ZNF254: variants seen among roughly 807,000 people sequenced by gnomAD.
ZNF254 encodes zinc finger protein 254.
In ZNF254, 10 loss-of-function variants were observed where a neutral mutation model predicts 12.4. The observed-to-expected ratio is 0.80, with a 90% CI of 0.50 to 1.36. ZNF254 has a LOEUF of 1.36. Among genes scored for constraint, ZNF254 ranks in the 40% most tolerant of loss-of-function variants. The pLI, the probability that ZNF254 is intolerant of heterozygous loss-of-function variation, is 0.00. For missense variants in ZNF254, 996 were observed against 763.9 expected, an observed-to-expected ratio of 1.30 and a Z score of -3.58; for synonymous variants, 305 against 253.4, an observed-to-expected ratio of 1.20 and a Z score of -1.93.
At chr19:24,048,375 C>T (rs368999455) in intron 2 of ZNF254, among the ~76,000 whole-genome samples, 142 of 152,340 alleles carry the variant, frequency 9.3e-4, no homozygotes, top group African/African-American at 2.0e-3. Flanking sequence ...CTTCTGCCTC[C>T]GCCATGAGCT....
intron 1 of ZNF254, among the ~76,000 whole-genome samples, chr19:24,094,780 G>A (rs748371642): frequency 1.1e-4 from 16 of 151,588 alleles, no homozygotes; most frequent in East Asian, 3.9e-4. Context: ...TCCACCTTCT[G>A]GGTTCAAGTG....
rs1019597364 is a variant in ZNF254, at chr19:24,128,231, G to T, written c.*251G>T. 7.3e-6 allele frequency: 3 copies of T among 410,548 alleles called. No individual in the cohort carries two copies. In the South Asian group the frequency reaches 2.2e-4, roughly 30 times the overall value. 25.4% of individuals were successfully genotyped at this position (410,548 alleles called of 1,614,324 possible). A position where few individuals can be genotyped will look rare whatever the true frequency, so the allele number is the denominator to read the frequency against. On this transcript the variant is annotated 3_prime_UTR_variant, in exon 4 of 4. Transcript: ENST00000357002. ...CTACCAGTGTGAACAACGTGGCCAA[G>T]CTTCGACAATGCTCACACCCTATTG...
intron 2 of ZNF254, among the ~76,000 whole-genome samples, chr19:24,051,273 T>C (rs1599596398): frequency 6.6e-6 from 1 of 152,164 alleles, no homozygotes; most frequent in Non-Finnish European, 1.5e-5. Context: ...TTCACCTGCC[T>C]CAGCCTCCTG....
chr19:24,078,599 C>CT (rs541018393), intron 2 of ZNF254: 1 of 152,168 alleles, frequency 6.6e-6, no homozygotes, highest in South Asian at 2.1e-4. Context: ...ACATTTTAAC[C>CT]TTTTTTATTA....
chr19:24,116,522 C>G (rs1974087385), intron 3 of ZNF254, among the ~76,000 whole-genome samples: 1 of 152,104 alleles, frequency 6.6e-6, no homozygotes, highest in South Asian at 2.1e-4. Flanking sequence ...TCATGTAGTT[C>G]TCAAGCCTTG....
chr19:24,125,202 G>A (rs958219304), intron 3 of ZNF254, among the ~76,000 whole-genome samples: 1 of 148,250 alleles, frequency 6.7e-6, no homozygotes, highest in African/African-American at 2.5e-5. Context: ...TTTGTTTGTT[G>A]AGCTTTTTTA....
chr19:24,088,628 C>T (rs1413653071), intron 1 of ZNF254, among the ~76,000 whole-genome samples: 2 of 151,982 alleles, frequency 1.3e-5, no homozygotes, highest in Non-Finnish European at 2.9e-5. Flanking sequence ...GATTTTGATA[C>T]CTGTTTTAAT....
intron 1 of ZNF254, chr19:24,033,682 G>A (rs1969848995): frequency 1.3e-5 from 4 of 304,178 alleles, no homozygotes; most frequent in Admixed American, 4.1e-5. Context: ...CGGCGGGACT[G>A]CCTTCGTCAC....
chr19:24,041,750 A>G (rs1970173750), intron 1 of ZNF254, among the ~76,000 whole-genome samples: 1 of 152,258 alleles, frequency 6.6e-6, no homozygotes. Flanking sequence ...CCGGTGCGGG[A>G]TCCACTAGGT....
chr19:24,125,623 T>G (rs1193928720), intron 3 of ZNF254, among the ~76,000 whole-genome samples: 1 of 152,184 alleles, frequency 6.6e-6, no homozygotes, highest in Non-Finnish European at 1.5e-5. Flanking sequence ...TCTTAGGATA[T>G]GTGTTGTCTG....
chr19:24,098,461 A>G (rs1471517465), intron 1 of ZNF254: 7 of 152,198 alleles, frequency 4.6e-5, no homozygotes, highest in African/African-American at 1.4e-4. Context: ...ATATATTTCA[A>G]TATAGATTTT....
intron 2 of ZNF254, among the ~76,000 whole-genome samples, chr19:24,068,150 A>G (rs977315762): frequency 5.3e-5 from 8 of 152,164 alleles, no homozygotes; most frequent in Non-Finnish European, 1.0e-4. Context: ...CCTCACCTAC[A>G]TGCACCATGC....
intron 1 of ZNF254, among the ~76,000 whole-genome samples, chr19:24,036,043 A>G (rs879732862): frequency 4.8e-5 from 7 of 146,350 alleles, no homozygotes; most frequent in Admixed American, 6.8e-5. Flanking sequence ...ATGCAAGTAT[A>G]ATGCTTTTGT....
intron 3 of ZNF254, chr19:24,107,283 G>A (rs969857691): frequency 1.6e-6 from 1 of 607,404 alleles, no homozygotes; most frequent in African/African-American, 1.9e-5. Context: ...AAATCTACAG[G>A]TCACTTTGGA....
At chr19:24,067,881 T>C (rs1352229135) in intron 2 of ZNF254, among the ~76,000 whole-genome samples, 5 of 152,170 alleles carry the variant, frequency 3.3e-5, no homozygotes, top group Non-Finnish European at 7.3e-5. Context: ...AAGAGTATTA[T>C]GAAATAACTT....
chr19:24,071,314 C>T (rs1971472337), intron 2 of ZNF254, among the ~76,000 whole-genome samples: 1 of 152,158 alleles, frequency 6.6e-6, no homozygotes, highest in South Asian at 2.1e-4. Context: ...AATATTTCTG[C>T]CTGTTCCCTG....
intron 1 of ZNF254, among the ~76,000 whole-genome samples, chr19:24,034,605 C>T (rs1156830086): frequency 6.7e-6 from 1 of 149,210 alleles, no homozygotes; most frequent in African/African-American, 2.5e-5. Context: ...TCAAGCGATC[C>T]TCCAGGCTCC....
intron 2 of ZNF254, among the ~76,000 whole-genome samples, chr19:24,056,959 T>C (rs1453558550): frequency 6.8e-6 from 1 of 146,282 alleles, no homozygotes; most frequent in African/African-American, 2.5e-5. Context: ...CAGTGGAGAT[T>C]GTGACATCTT....
At chr19:24,106,862 T>C (rs1422576494) in intron 3 of ZNF254, 1 of 435,130 alleles carries the variant, frequency 2.3e-6, no homozygotes, top group Non-Finnish European at 4.1e-6. Context: ...TCCTCCAAGT[T>C]TACAGTGACA....
Sources: allele counts gnomAD v4.1 joint callset (sites outside exome capture counted in the v4.1 genomes callset), GRCh38; gene constraint gnomAD v4.1.1; transcripts MANE v1.5; gene names NCBI Gene and HGNC (gene_info 2026-07-23, HGNC 2026-07-21).